The following FOXJ3 variants were observed in gnomAD, a reference collection of about 807,000 sequenced individuals.
FOXJ3 encodes the protein forkhead box protein J3.
FOXJ3 carries 22 observed loss-of-function variants against 76.1 expected under a neutral mutation model. That is an observed-to-expected ratio of 0.29 (90% CI 0.21 to 0.41). The LOEUF (loss-of-function observed/expected upper bound fraction) is 0.41. Among genes scored for constraint, FOXJ3 ranks in the 10% least tolerant of loss-of-function variants. FOXJ3 has a pLI of 1.00. For synonymous variants in FOXJ3, 269 were observed against 261.2 expected (o/e 1.03, Z -0.29); for missense variants, 613 against 762.1 (o/e 0.80, Z 2.30).
chr1:42,276,848 A>C (rs953570812), intron 3 of FOXJ3, among the ~76,000 whole-genome samples: 1 of 152,212 alleles, frequency 6.6e-6, no homozygotes, highest in African/African-American at 2.4e-5. Flanking sequence ...TATCGGTATT[A>C]TTCTTCCCAA....
chr1:42,273,358 T>G (rs1652003084), intron 3 of FOXJ3, among the ~76,000 whole-genome samples: 1 of 152,102 alleles, frequency 6.6e-6, no homozygotes, highest in Admixed American at 6.5e-5. Flanking sequence ...TAAATCCTTT[T>G]CACATTATCA....
intron 2 of FOXJ3, among the ~76,000 whole-genome samples, chr1:42,290,578 A>C (rs1570168866): frequency 1.3e-5 from 2 of 152,128 alleles, no homozygotes; most frequent in African/African-American, 4.8e-5. Context: ...AATCCTTCTT[A>C]TTCTTCTTTA....
intron 2 of FOXJ3, among the ~76,000 whole-genome samples, chr1:42,293,714 T>G (rs1228400337): frequency 6.6e-6 from 1 of 152,220 alleles, no homozygotes; most frequent in East Asian, 1.9e-4. Context: ...TAAGAAGCAC[T>G]ATCTTTTTCT....
chr1:42,192,614 A>C (rs1646571813), intron 8 of FOXJ3, among the ~76,000 whole-genome samples: 1 of 152,226 alleles, frequency 6.6e-6, no homozygotes, highest in Non-Finnish European at 1.5e-5. Context: ...AAAAATGTTT[A>C]ATGTTAAGGA....
intron 2 of FOXJ3, among the ~76,000 whole-genome samples, chr1:42,287,685 G>A (rs1653147080): frequency 6.6e-6 from 1 of 152,088 alleles, no homozygotes; most frequent in South Asian, 2.1e-4. Flanking sequence ...TTAGGGCCGG[G>A]CATGGTGGTT....
chr1:42,192,372 T>C (rs927836228), intron 8 of FOXJ3, among the ~76,000 whole-genome samples: 5 of 152,210 alleles, frequency 3.3e-5, no homozygotes, highest in African/African-American at 1.2e-4. Context: ...TACGTGCCTG[T>C]GAGCATGTTT....
chr1:42,180,659 G>C (rs1472588405), intron 12 of FOXJ3, among the ~76,000 whole-genome samples: 1 of 151,686 alleles, frequency 6.6e-6, no homozygotes, highest in Non-Finnish European at 1.5e-5. Context: ...ATATTTTCTT[G>C]TACAATTATT....
chr1:42,228,752 C>T (rs1200308725), intron 4 of FOXJ3, among the ~76,000 whole-genome samples: 1 of 152,038 alleles, frequency 6.6e-6, no homozygotes, highest in East Asian at 1.9e-4. Context: ...CCTCAATTAT[C>T]CTGCCTCTAT....
chr1:42,259,197 A>T (rs563077200), intron 4 of FOXJ3, among the ~76,000 whole-genome samples: 1 of 152,304 alleles, frequency 6.6e-6, no homozygotes, highest in East Asian at 1.9e-4. Flanking sequence ...TGGAAAAGGC[A>T]AAATTATAGG....
intron 2 of FOXJ3, among the ~76,000 whole-genome samples, chr1:42,307,847 GTAC>G (rs988896142): frequency 1.3e-5 from 2 of 152,074 alleles, no homozygotes; most frequent in Non-Finnish European, 2.9e-5. Flanking sequence ...TCTACAATAT[GTAC>G]TACTTTTTAA....
Position 42,298,314 on chromosome 1 carries a change from G to C in FOXJ3, c.44+12736C>G, listed in dbSNP as rs561505052. 2.0e-5 allele frequency among the ~76,000 whole-genome samples: 3 copies of C among 152,256 alleles called. No homozygotes were observed. In the South Asian group the frequency reaches 6.2e-4, roughly 32 times the overall value. ...ATCAGCATGAGAACAGACTAATACA[G>C]AAGTTTTCCTTTATTACTGATTGAA... is the stretch of plus-strand genomic sequence containing the variant. On this transcript the variant is annotated intron_variant, in intron 2 of 12. Transcript: ENST00000361346.
chr1:42,232,952 A>G (rs1371150988), intron 4 of FOXJ3, among the ~76,000 whole-genome samples: 2 of 150,720 alleles, frequency 1.3e-5, no homozygotes, highest in African/African-American at 4.9e-5. Flanking sequence ...TCTTTAATCC[A>G]TCTGGAATTA....
chr1:42,303,602 G>A (rs1262048496), intron 2 of FOXJ3, among the ~76,000 whole-genome samples: 1 of 152,202 alleles, frequency 6.6e-6, no homozygotes, highest in Admixed American at 6.5e-5. Context: ...GTGTTCCCTG[G>A]CATACGCTAA....
At chr1:42,261,474 A>G (rs1272508473) in intron 4 of FOXJ3, among the ~76,000 whole-genome samples, 2 of 152,180 alleles carry the variant, frequency 1.3e-5, no homozygotes, top group African/African-American at 2.4e-5. Context: ...AATGAATCTC[A>G]GACCACCAAT....
At chr1:42,264,958 C>CCCACAGCTTA in intron 4 of FOXJ3, 157 bp downstream of exon 4, 1 of 667,374 alleles carries the variant, frequency 1.5e-6, no homozygotes, top group South Asian at 1.7e-5. Context: ...TAGTTAGGTT[C>CCCACAGCTTA]CCACAGCTTA....
rs1030950408 is a variant in FOXJ3 at position 42,178,614 on chromosome 1, A to C, written c.*1096T>G. 3 of 152,166 alleles carry C rather than the reference A, an allele frequency of 2.0e-5. No homozygotes were observed. Among genetic ancestry groups the C allele is most frequent in the Non-Finnish European group, 2.9e-5 (2 of 68,056 alleles). The allele number at this position is 152,166 out of a possible 1,614,324, so 9.4% of individuals were successfully genotyped here. On this transcript the variant is annotated 3_prime_UTR_variant, in exon 13 of 13. Transcript: ENST00000361346. ...AGCCCAGGCAACATGGTGAAACCCC[A>C]TCTCTACTAAAATACAAAAAATCAG...
chr1:42,251,703 AGTATTTTTTT>A (rs1650068775), intron 4 of FOXJ3, among the ~76,000 whole-genome samples: 1 of 117,906 alleles, frequency 8.5e-6, no homozygotes, highest in Admixed American at 1.1e-4. Context: ...TCGGTTTGCC[AGTATTTTTTT>A]TTTTTTTTTT....
intron 6 of FOXJ3, 50 bp downstream of exon 6, chr1:42,205,712 A>C: frequency 9.7e-7 from 1 of 1,033,638 alleles, no homozygotes. Flanking sequence ...AAGGCAAATT[A>C]AATGTACTAC....
In FOXJ3 at chr1:42,188,900, A is replaced by G. The variant is rs1445608726; in HGVS notation, c.1482T>C (p.Asp494=). Residue 494 remains aspartate, a synonymous_variant, in exon 11 of 13, where the codon GAT becomes GAC. Transcript: ENST00000361346. ...CCTGGTCTAAAGACCAGTTCTTGAGATCTGCCTGTCTCATACTCTCCATCA... is the reference window on the plus strand; with the variant it reads ...CCTGGTCTAAAGACCAGTTCTTGAGGTCTGCCTGTCTCATACTCTCCATCA... The part of the protein sequence containing the change: ...QGLMESMRQA[D]LKNWSLDQVQ... 5.0e-6 allele frequency: 8 copies of G among 1,611,240 alleles called. No homozygotes were observed. The highest frequency in any genetic ancestry group is 6.8e-6 in the Non-Finnish European group (8 of 1,178,318).
Sources: allele counts gnomAD v4.1 joint callset (sites outside exome capture counted in the v4.1 genomes callset), GRCh38; gene constraint gnomAD v4.1.1; transcripts MANE v1.5; gene names NCBI Gene and HGNC (gene_info 2026-07-23, HGNC 2026-07-21).